Variants in MYO3B observed in about 807,000 individuals in gnomAD.
MYO3B encodes the protein myosin-IIIb.
A neutral mutation model predicts 174.6 loss-of-function variants in MYO3B; 156 were observed. The ratio of observed to expected loss-of-function variants is 0.89; its 90% CI spans 0.78 to 1.02. The LOEUF is 1.02. MYO3B is among the 50% of genes least tolerant of loss of function. The pLI is 0.00. For synonymous variants in MYO3B, 563 were observed against 569.1 expected (o/e 0.99, Z 0.15); for missense variants, 1,632 against 1,639.4 (o/e 1.00, Z 0.08).
chr2:170,227,575 G>C (rs1445220660), intron 6 of MYO3B, among the ~76,000 whole-genome samples: 1 of 152,198 alleles, frequency 6.6e-6, no homozygotes, highest in Admixed American at 6.5e-5. Flanking sequence ...ATGAGCCACA[G>C]TGCCCGGCCT....
intron 32 of MYO3B, among the ~76,000 whole-genome samples, chr2:170,635,399 G>C (rs929870191): frequency 6.6e-6 from 1 of 152,146 alleles, no homozygotes; most frequent in Non-Finnish European, 1.5e-5. Flanking sequence ...ACTCATAGGT[G>C]GGAATTGAAC....
intron 16 of MYO3B, among the ~76,000 whole-genome samples, chr2:170,394,131 T>A (rs1269598714): frequency 1.3e-5 from 2 of 152,180 alleles, no homozygotes; most frequent in Non-Finnish European, 2.9e-5. Context: ...CAAATATAGT[T>A]ATAGAATACT....
At chr2:170,328,658 TAACAAA>T (rs1304913226) in intron 7 of MYO3B, among the ~76,000 whole-genome samples, 2 of 152,264 alleles carry the variant, frequency 1.3e-5, no homozygotes, top group East Asian at 3.9e-4. Flanking sequence ...TTTCTAATAG[TAACAAA>T]AACAGAAACA....
chr2:170,214,661 T>C, intron 4 of MYO3B, 68 bp from the exon 5 acceptor site: 1 of 1,472,330 alleles, frequency 6.8e-7, no homozygotes, highest in Non-Finnish European at 9.5e-7. Context: ...GGGTAATTGC[T>C]TTAAAATAAG....
intron 7 of MYO3B, among the ~76,000 whole-genome samples, chr2:170,243,252 A>G (rs1038630987): frequency 2.0e-5 from 3 of 152,212 alleles, no homozygotes; most frequent in Admixed American, 6.5e-5. Context: ...TTGCTCATGC[A>G]TCTGTGATCA....
intron 7 of MYO3B, among the ~76,000 whole-genome samples, chr2:170,316,319 T>C (rs2093775233): frequency 6.6e-6 from 1 of 152,234 alleles, no homozygotes; most frequent in African/African-American, 2.4e-5. Flanking sequence ...ACCAAGGTAT[T>C]TCTAGGAAAA....
At chr2:170,419,902 A>G (rs2094604181) in intron 22 of MYO3B, among the ~76,000 whole-genome samples, 1 of 152,148 alleles carries the variant, frequency 6.6e-6, no homozygotes, top group Non-Finnish European at 1.5e-5. Flanking sequence ...AACAAGAATG[A>G]AGCCGGGTGT....
intron 7 of MYO3B, among the ~76,000 whole-genome samples, chr2:170,298,310 A>G (rs372927960): frequency 2.1e-4 from 32 of 152,266 alleles, no homozygotes; most frequent in African/African-American, 7.2e-4. Context: ...GATTGGTTCT[A>G]GCTGGCAGGA....
At chr2:170,506,273 T>C (rs1221539100) in intron 28 of MYO3B, among the ~76,000 whole-genome samples, 3 of 152,142 alleles carry the variant, frequency 2.0e-5, no homozygotes, top group Admixed American at 6.5e-5. Context: ...CAGAACCAAG[T>C]TTTTGGTGTA....
intron 32 of MYO3B, among the ~76,000 whole-genome samples, chr2:170,606,431 C>G (rs1330937967): frequency 6.6e-6 from 1 of 152,228 alleles, no homozygotes; most frequent in East Asian, 1.9e-4. Flanking sequence ...CAACCATCAA[C>G]TCTTCAGAGA....
At chr2:170,437,549 C>A (rs2094763812) in intron 22 of MYO3B, among the ~76,000 whole-genome samples, 1 of 152,090 alleles carries the variant, frequency 6.6e-6, no homozygotes, top group African/African-American at 2.4e-5. Context: ...ATAGGCCTTG[C>A]TAAGTTTCAT....
rs1272444843 is a variant in MYO3B, at chr2:170,217,299, C to T, written c.527-20C>T. On this transcript the variant is annotated intron_variant, in intron 5 of 34. Transcript: ENST00000408978. ...ATCATACTTTGCTCACTTTTGAATT[C>T]TGATACTCTTTCCTTATAGGTGTTT... 2.5e-6 allele frequency: 4 copies of T among 1,610,360 alleles called. No individual in the cohort carries two copies. The highest frequency in any genetic ancestry group is 1.7e-6 in the Non-Finnish European group (2 of 1,176,576).
At chr2:170,608,768 T>C (rs949195882) in intron 32 of MYO3B, among the ~76,000 whole-genome samples, 16 of 152,052 alleles carry the variant, frequency 1.1e-4, no homozygotes, top group African/African-American at 3.4e-4. Context: ...GATCTAAAAC[T>C]GAGAGATGCA....
intron 22 of MYO3B, among the ~76,000 whole-genome samples, chr2:170,431,689 G>A (rs2094710301): frequency 6.6e-6 from 1 of 152,170 alleles, no homozygotes; most frequent in South Asian, 2.1e-4. Flanking sequence ...CTTTGAATTT[G>A]CCACATGCAA....
Position 170,498,009 on chromosome 2 carries a change from T to C in MYO3B, c.3015-583T>C, listed in dbSNP as rs201490752. On this transcript the variant is annotated intron_variant, in intron 25 of 34. Transcript: ENST00000408978. ...TCACTACAGTGTTCTTCTCTGAAACTCTTTAATCTGAAAGTTTAGAAGTTC... is the reference window on the plus strand; with the variant it reads ...TCACTACAGTGTTCTTCTCTGAAACCCTTTAATCTGAAAGTTTAGAAGTTC... Among the ~76,000 whole-genome samples, 35 of 151,462 alleles carry C rather than the reference T, an allele frequency of 2.3e-4. No individual in the cohort carries two copies. The East Asian group carries it at 6.0e-3, about 26-fold the overall frequency.
chr2:170,653,219 C>T lies in MYO3B; in HGVS notation c.*98C>T, dbSNP rs1026060869. The T allele has an allele frequency of 4.6e-5, 67 of 1,462,188 alleles. No homozygotes were observed. Among genetic ancestry groups the T allele is most frequent in the Non-Finnish European group, 6.1e-5 (64 of 1,056,018 alleles). 90.6% of individuals were successfully genotyped at this position (1,462,188 alleles called of 1,614,324 possible). ...GAAAGCACTGATATGGGGTCAGCTT[C>T]TTTGGACATATGGTCCATGCCTGAA... On this transcript the variant is annotated 3_prime_UTR_variant, in exon 35 of 35. Coordinates refer to ENST00000408978, the MANE Select transcript of MYO3B (RefSeq NM_138995.5).
At chr2:170,472,765 A>G (rs191450187) in intron 25 of MYO3B, among the ~76,000 whole-genome samples, 5 of 151,704 alleles carry the variant, frequency 3.3e-5, no homozygotes, top group Admixed American at 6.6e-5. Flanking sequence ...GCAGTGGCAC[A>G]ATGTTGGCTC....
chr2:170,242,730 G>A (rs572924387), intron 7 of MYO3B, among the ~76,000 whole-genome samples: 4 of 152,258 alleles, frequency 2.6e-5, no homozygotes, highest in African/African-American at 7.2e-5. Context: ...GATTCCCAGC[G>A]CTATCTGTGC....
Position 170,649,251 on chromosome 2 carries a change from AAAT to A in MYO3B, c.3734-2372_3734-2370del, listed in dbSNP as rs1385597168. 5.2e-5 allele frequency among the ~76,000 whole-genome samples: 4 copies of A among 76,884 alleles called. 1 individual carries two copies. The East Asian group carries it at 1.2e-3, about 22-fold the overall frequency. 50.4% of individuals were successfully genotyped at this position (76,884 alleles called of 152,430 possible). A position where few individuals can be genotyped will look rare whatever the true frequency, so the allele number is the denominator to read the frequency against. On this transcript the variant is annotated intron_variant, in intron 32 of 34. Coordinates refer to ENST00000408978, the MANE Select transcript of MYO3B (RefSeq NM_138995.5). Reference sequence around the variant, plus strand: ...TATAAAATAATATATATTATATATAAAATAATATATAATATATTATATATAAAA... The same window carrying A: ...TATAAAATAATATATATTATATATAAAATATATAATATATTATATATAAAA...
Sources: allele counts gnomAD v4.1 joint callset (sites outside exome capture counted in the v4.1 genomes callset), GRCh38; gene constraint gnomAD v4.1.1; transcripts MANE v1.5; gene names NCBI Gene and HGNC (gene_info 2026-07-23, HGNC 2026-07-21).